Variants in PTPRZ1 observed in about 807,000 individuals in gnomAD.
PTPRZ1 encodes receptor-type tyrosine-protein phosphatase zeta.
Under a neutral mutation model 214.1 loss-of-function variants are expected in PTPRZ1, and 82 were observed. That is an observed-to-expected ratio of 0.38 (90% confidence interval 0.32 to 0.46). The LOEUF (loss-of-function observed/expected upper bound fraction) is 0.46, where lower values mean the gene tolerates loss of function less well. Ranked by LOEUF, PTPRZ1 falls within the 20% of genes least tolerant of loss-of-function variation. PTPRZ1 has a pLI of 1.00. For missense variants in PTPRZ1, 2,603 were observed against 2,748.7 expected (o/e 0.95, Z 1.19); for synonymous variants, 945 against 987.9 (o/e 0.96, Z 0.81).
At chr7:121,988,986 A>G (rs1797854146) in intron 8 of PTPRZ1, among the ~76,000 whole-genome samples, 1 of 152,256 alleles carries the variant, frequency 6.6e-6, no homozygotes, top group South Asian at 2.1e-4. Context: ...TATCAGTATT[A>G]TGACAGAATT....
intron 2 of PTPRZ1, among the ~76,000 whole-genome samples, chr7:121,953,675 T>C (rs1228717564): frequency 6.6e-6 from 1 of 152,226 alleles, no homozygotes; most frequent in African/African-American, 2.4e-5. Flanking sequence ...CTGGCCACAC[T>C]GACAACAAAT....
rs1287920518 is a variant in PTPRZ1, at chr7:121,873,279, C to T, written c.-221C>T. The stretch of plus-strand genomic sequence containing the variant: ...GGCTTTCTCCAGATTATTCCTCTCT[C>T]GCTGTCTCTGACTGTCTCTCTCTGT... On this transcript the variant is annotated 5_prime_UTR_variant, in exon 1 of 30. Coordinates refer to ENST00000393386, the MANE Select transcript of PTPRZ1 (RefSeq NM_002851.3). 2 of 493,204 alleles carry T rather than the reference C, an allele frequency of 4.1e-6. No homozygotes were observed. Among genetic ancestry groups the T allele is most frequent in the Non-Finnish European group, 7.2e-6 (2 of 278,760 alleles). The allele number at this position is 493,204 out of a possible 1,614,324, so 30.6% of individuals were successfully genotyped here. A position where few individuals can be genotyped will look rare whatever the true frequency, so the allele number is the denominator to read the frequency against.
intron 1 of PTPRZ1, among the ~76,000 whole-genome samples, chr7:121,883,010 G>A (rs1312207410): frequency 6.6e-6 from 1 of 152,142 alleles, no homozygotes; most frequent in Non-Finnish European, 1.5e-5. Flanking sequence ...AAATATCCAG[G>A]AAGGAAAAGA....
rs531814741 is a variant in PTPRZ1, at chr7:121,942,388, C to A, written c.124+14167C>A. Among the ~76,000 whole-genome samples the A allele has an allele frequency of 2.5e-4, 38 of 152,190 alleles. 1 individual carries two copies. In the South Asian group the frequency reaches 6.8e-3, roughly 27 times the overall value. On this transcript the variant is annotated intron_variant, in intron 2 of 29. Coordinates refer to ENST00000393386, the MANE Select transcript of PTPRZ1 (RefSeq NM_002851.3). ...GCAGCCTCAATTGTTTGCTTTTTAGCAGAATAATTACATCTTTAATTTCTG... is the reference window on the plus strand; with the variant it reads ...GCAGCCTCAATTGTTTGCTTTTTAGAAGAATAATTACATCTTTAATTTCTG...
Position 121,909,199 on chromosome 7 carries a change from C to T in PTPRZ1, c.59-18957C>T, listed in dbSNP as rs181355427. 3.8e-3 allele frequency among the ~76,000 whole-genome samples: 583 copies of T among 152,248 alleles called. 3 individuals carry two copies. The highest frequency in any genetic ancestry group is 0.013 in the African/African-American group (553 of 41,564). ...CAATCTAAAAACTTTTATCTTGTGA[C>T]TCTTTTTTCAGAAGCTGCTGGAGTA... On this transcript the variant is annotated intron_variant, in intron 1 of 29. Coordinates refer to ENST00000393386, the MANE Select transcript of PTPRZ1 (RefSeq NM_002851.3).
chr7:121,926,051 T>C (rs904171822), intron 1 of PTPRZ1, among the ~76,000 whole-genome samples: 2 of 152,284 alleles, frequency 1.3e-5, no homozygotes, highest in Non-Finnish European at 2.9e-5. Context: ...ACGCCTGTAA[T>C]TCCAGCACTT....
intron 23 of PTPRZ1, among the ~76,000 whole-genome samples, chr7:122,050,995 TAAAC>T (rs1792161872): frequency 6.6e-6 from 1 of 152,124 alleles, no homozygotes; most frequent in African/African-American, 2.4e-5. Context: ...GAGGAGTAGA[TAAAC>T]AGAATGTAGA....
At chr7:121,968,863 T>G (rs1057160914) in intron 3 of PTPRZ1, among the ~76,000 whole-genome samples, 4 of 152,142 alleles carry the variant, frequency 2.6e-5, no homozygotes, top group South Asian at 2.1e-4. Flanking sequence ...GGGGATAAGC[T>G]TTATCATTGG....
intron 1 of PTPRZ1, among the ~76,000 whole-genome samples, chr7:121,898,116 A>G (rs1794854224): frequency 1.3e-5 from 2 of 152,184 alleles, no homozygotes; most frequent in South Asian, 4.1e-4. Flanking sequence ...ATAGAGAGCT[A>G]TCAGTCCTCT....
chr7:122,001,160 A>T (rs1224999464), intron 10 of PTPRZ1, among the ~76,000 whole-genome samples: 1 of 152,190 alleles, frequency 6.6e-6, no homozygotes, highest in Non-Finnish European at 1.5e-5. Flanking sequence ...ATGCTCATTA[A>T]GTATTATTTC....
At chr7:122,033,863 C>A (rs1799458575) in intron 15 of PTPRZ1, 1 of 524,962 alleles carries the variant, frequency 1.9e-6, no homozygotes, top group African/African-American at 2.0e-5. Flanking sequence ...TCACTATCTC[C>A]TTTTAAAAGT....
At chr7:122,025,454 T>C (rs2116704487) in intron 13 of PTPRZ1, among the ~76,000 whole-genome samples, 1 of 151,870 alleles carries the variant, frequency 6.6e-6, no homozygotes, top group Admixed American at 6.6e-5. Flanking sequence ...CTCAGCCTCT[T>C]GAGTAGCTTG....
At chr7:121,915,439 A>T (rs950790870) in intron 1 of PTPRZ1, among the ~76,000 whole-genome samples, 10 of 152,196 alleles carry the variant, frequency 6.6e-5, no homozygotes, top group Admixed American at 2.6e-4. Context: ...AGTTAGTTAG[A>T]GGTGCATATC....
intron 29 of PTPRZ1, among the ~76,000 whole-genome samples, chr7:122,060,505 T>G (rs1792536678): frequency 6.6e-6 from 1 of 152,224 alleles, no homozygotes; most frequent in Non-Finnish European, 1.5e-5. Context: ...AACTGTTTCA[T>G]GCTTCTATGT....
chr7:121,980,456 A>G (rs1172590007), intron 6 of PTPRZ1, among the ~76,000 whole-genome samples: 1 of 152,248 alleles, frequency 6.6e-6, no homozygotes, highest in Non-Finnish European at 1.5e-5. Context: ...TGATCATGTT[A>G]TCTTGGCATT....
rs538832779 is a variant in PTPRZ1, at chr7:122,010,487, C to A, written c.1441C>A (p.Arg481=). The A allele has an allele frequency of 1.2e-5, 20 of 1,614,040 alleles. No homozygotes were observed. Among genetic ancestry groups the A allele is most frequent in the African/African-American group, 1.1e-4 (8 of 75,032 alleles). ...GAAATACAATGAAGCCAAGACTAACCGATCCCCAACAAGAGGAAGTGAATT... is the reference window on the plus strand; with the variant it reads ...GAAATACAATGAAGCCAAGACTAACAGATCCCCAACAAGAGGAAGTGAATT... ...GTKYNEAKTN[R]SPTRGSEFSG... Residue 481 remains arginine (R), a synonymous_variant, in exon 12 of 30, where the codon CGA becomes AGA. Coordinates refer to ENST00000393386, the MANE Select transcript of PTPRZ1 (RefSeq NM_002851.3).
At chr7:121,968,185 T>C in intron 3 of PTPRZ1, 55 bp downstream of exon 3, 1 of 1,426,164 alleles carries the variant, frequency 7.0e-7, no homozygotes, top group Non-Finnish European at 9.5e-7. Flanking sequence ...CTGGAGTATG[T>C]TTAGACTAGT....
chr7:122,038,758 T>C lies in PTPRZ1; in HGVS notation c.5371T>C (p.Tyr1791His). 6.2e-7 allele frequency: 1 copy of C among 1,613,640 alleles called. No homozygotes were observed. Residue 1791 changes from tyrosine to histidine, a missense_variant, in exon 19 of 30, where the codon TAC becomes CAC. This residue lies in a region of PTPRZ1 where 1,913 missense variants were observed against 1,914.3 expected (regional missense o/e 1.00). Transcript: ENST00000393386. ...CATTTGTCATTTAATTCTTCAGGGC[T>C]ACAACAGACCAAAAGCTTATATTGC... ...DYINANYVDGYNRPKAYIAAQ... is the reference protein window; with the variant it reads ...DYINANYVDGHNRPKAYIAAQ...
chr7:121,942,246 A>C (rs972406195), intron 2 of PTPRZ1, among the ~76,000 whole-genome samples: 2 of 152,226 alleles, frequency 1.3e-5, no homozygotes, highest in African/African-American at 2.4e-5. Flanking sequence ...ATTGATTGAC[A>C]ATGTTACTGA....
Sources: gnomAD v4.1 joint callset for allele counts (sites outside exome capture counted in the v4.1 genomes callset) on GRCh38, gnomAD v4.1.1 for gene constraint, gnomAD v4.1.1 regional missense constraint, MANE v1.5 for transcripts, NCBI Gene and HGNC (gene_info 2026-07-23, HGNC 2026-07-21) for gene names.